MBNL1: variants seen among roughly 807,000 people sequenced by gnomAD.
MBNL1 encodes the protein muscleblind like splicing regulator 1.
MBNL1 carries 8 observed loss-of-function variants against 42.2 expected under a neutral mutation model. That is an observed-to-expected ratio of 0.19 (90% CI 0.11 to 0.34). The LOEUF is 0.34. Among genes scored for constraint, MBNL1 ranks in the 10% least tolerant of loss-of-function variants. The pLI, the probability that MBNL1 is intolerant of heterozygous loss-of-function variation, is 1.00. For synonymous variants in MBNL1, 169 were observed against 173.9 expected, an observed-to-expected ratio of 0.97 and a Z score of 0.22; for missense variants, 309 against 495.3, an observed-to-expected ratio of 0.62 and a Z score of 3.57.
chr3:152,418,313 T>C (rs1160748966), intron 3 of MBNL1, among the ~76,000 whole-genome samples: 4 of 152,138 alleles, frequency 2.6e-5, no homozygotes, highest in Non-Finnish European at 5.9e-5. Flanking sequence ...TTGGCACTCA[T>C]GATGTGGAAG....
At chr3:152,356,193 C>T (rs562049011) in intron 2 of MBNL1, among the ~76,000 whole-genome samples, 1 of 151,778 alleles carries the variant, frequency 6.6e-6, no homozygotes, top group Admixed American at 6.6e-5. Flanking sequence ...TTTTAATAGT[C>T]TCAAACTAAG....
intron 2 of MBNL1, among the ~76,000 whole-genome samples, chr3:152,409,542 G>A (rs1002436798): frequency 2.0e-5 from 3 of 151,622 alleles, no homozygotes; most frequent in African/African-American, 7.3e-5. Context: ...CAATATCTGA[G>A]CAATGAATAC....
At chr3:152,397,817 C>A (rs992681832) in intron 2 of MBNL1, among the ~76,000 whole-genome samples, 1 of 152,144 alleles carries the variant, frequency 6.6e-6, no homozygotes, top group African/African-American at 2.4e-5. Context: ...CCACCATAAA[C>A]CAGTAAACTA....
intron 4 of MBNL1, 75 bp from the exon 5 acceptor site, chr3:152,445,207 A>C (rs1356185282): frequency 2.2e-6 from 3 of 1,339,736 alleles, no homozygotes; most frequent in Non-Finnish European, 1.0e-6. Flanking sequence ...CCAGTCTTGC[A>C]CTTTAAGTTA....
Position 152,262,639 on chromosome 3 carries a change from T to G in MBNL1, n.333+18199T>G, listed in dbSNP as rs371280783. On this transcript the variant is annotated intron_variant and non_coding_transcript_variant, in intron 2 of 2. Transcript: ENST00000477171. ...CATATTTTTTCATATTTGTTTTCTA[T>G]ATGGAACAGTGTTACTACGTAGAAA... 8.5e-5 allele frequency: 13 copies of G among 152,346 alleles called. No homozygotes were observed. The East Asian group carries it at 2.1e-3, about 25-fold the overall frequency. 9.4% of individuals were successfully genotyped at this position (152,346 alleles called of 1,614,324 possible).
chr3:152,302,784 G>A (rs2061267353), intron 2 of MBNL1, among the ~76,000 whole-genome samples: 1 of 152,088 alleles, frequency 6.6e-6, no homozygotes, highest in Non-Finnish European at 1.5e-5. Context: ...AATAAAATGT[G>A]TCCTGTGTAT....
At position 152,270,516 on chromosome 3, in the gene MBNL1, G is replaced by C. The variant is rs145355488; in HGVS notation, c.-790+1424G>C. On this transcript the variant is annotated intron_variant, in intron 1 of 9. Transcript: ENST00000324210. Reference sequence around the variant, plus strand: ...TCTGTGTGGATTCCTAAGTGTGTTGGTGTTTCTCCTTGCTGTTGAGATAAA... The same window carrying C: ...TCTGTGTGGATTCCTAAGTGTGTTGCTGTTTCTCCTTGCTGTTGAGATAAA... Among the ~76,000 whole-genome samples, 5 of 152,254 alleles carry C rather than the reference G, an allele frequency of 3.3e-5. No individual in the cohort carries two copies. The East Asian group carries it at 9.6e-4, about 29-fold the overall frequency.
intron 2 of MBNL1, among the ~76,000 whole-genome samples, chr3:152,349,315 G>A (rs535315324): frequency 8.5e-5 from 13 of 152,080 alleles, no homozygotes; most frequent in African/African-American, 2.7e-4. Flanking sequence ...TACCTACAAT[G>A]TCTTGTTTCA....
At chr3:152,368,910 G>A (rs1345633865) in intron 2 of MBNL1, among the ~76,000 whole-genome samples, 1 of 152,196 alleles carries the variant, frequency 6.6e-6, no homozygotes, top group Non-Finnish European at 1.5e-5. Flanking sequence ...GAAATTTTGT[G>A]CTGAGACAGT....
intron 4 of MBNL1, 114 bp downstream of exon 4, chr3:152,433,034 T>A (rs2099026742): frequency 1.1e-6 from 1 of 939,262 alleles, no homozygotes; most frequent in African/African-American, 1.7e-5. Context: ...TAAAACAGAT[T>A]TTGGCTTAGG....
At chr3:152,454,207 T>C (rs1472184534) in intron 6 of MBNL1, among the ~76,000 whole-genome samples, 1 of 152,188 alleles carries the variant, frequency 6.6e-6, no homozygotes, top group East Asian at 1.9e-4. Context: ...TGTCCCCAGA[T>C]ACATTACAGA....
rs1178794904 is a variant in MBNL1 at position 152,299,528 on chromosome 3, C to G, written c.-666C>G. On this transcript the variant is annotated 5_prime_UTR_variant, in exon 2 of 10. Coordinates refer to ENST00000324210, the MANE Select transcript of MBNL1 (RefSeq NM_021038.5). ...ACGACAGCACATCCACCCTCCACCTCTAGCCCAGACACCCCCATTTCTACT... is the reference window on the plus strand; with the variant it reads ...ACGACAGCACATCCACCCTCCACCTGTAGCCCAGACACCCCCATTTCTACT... The G allele has an allele frequency of 7.6e-6, 3 of 393,010 alleles. No individual in the cohort carries two copies. The highest frequency in any genetic ancestry group is 4.4e-5 in the Admixed American group (1 of 22,548). 24.3% of individuals were successfully genotyped at this position (393,010 alleles called of 1,614,324 possible).
At chr3:152,329,793 T>C (rs1407513741) in intron 2 of MBNL1, among the ~76,000 whole-genome samples, 1 of 149,606 alleles carries the variant, frequency 6.7e-6, no homozygotes, top group East Asian at 1.9e-4. Context: ...TCTTTTACTT[T>C]CAAGTGATGG....
intron 2 of MBNL1, among the ~76,000 whole-genome samples, chr3:152,307,107 A>G (rs1323318666): frequency 6.6e-6 from 1 of 152,064 alleles, no homozygotes; most frequent in African/African-American, 2.4e-5. Context: ...CTCCTGCCTC[A>G]ACCTCCCGAG....
intron 2 of MBNL1, among the ~76,000 whole-genome samples, chr3:152,389,811 T>C (rs993586190): frequency 6.6e-6 from 1 of 152,204 alleles, no homozygotes; most frequent in African/African-American, 2.4e-5. Flanking sequence ...AACACTGTGC[T>C]CTTAGGCTAT....
intron 4 of MBNL1, among the ~76,000 whole-genome samples, chr3:152,437,984 G>A (rs756625098): frequency 6.6e-6 from 1 of 151,988 alleles, no homozygotes; most frequent in Non-Finnish European, 1.5e-5. Context: ...ATGTTTGCCA[G>A]GCTGGTCTCA....
At chr3:152,458,086 ATCT>A in intron 8 of MBNL1, 1 of 1,557,116 alleles carries the variant, frequency 6.4e-7, no homozygotes, top group Non-Finnish European at 8.9e-7. Context: ...CTGGCCCTTC[ATCT>A]GCATCGATTG....
intron 4 of MBNL1, among the ~76,000 whole-genome samples, chr3:152,440,061 G>C (rs1460677770): frequency 6.6e-6 from 1 of 152,078 alleles, no homozygotes; most frequent in Non-Finnish European, 1.5e-5. Context: ...GTTTTTATAA[G>C]AGATCAAGTG....
At chr3:152,418,057 A>G (rs895541956) in intron 3 of MBNL1, among the ~76,000 whole-genome samples, 5 of 152,220 alleles carry the variant, frequency 3.3e-5, no homozygotes, top group East Asian at 1.9e-4. Flanking sequence ...GTGAGCTTCT[A>G]TTGAAATGTA....
Sources: gnomAD v4.1 joint callset for allele counts (sites outside exome capture counted in the v4.1 genomes callset) on GRCh38, gnomAD v4.1.1 for gene constraint, MANE v1.5 for transcripts, NCBI Gene and HGNC (gene_info 2026-07-23, HGNC 2026-07-21) for gene names.